The following MYLK3 variants were observed in gnomAD, a reference collection of about 807,000 sequenced individuals.
MYLK3 encodes the protein MLC kinase.
MYLK3 carries 55 observed loss-of-function variants against 76.3 expected under a neutral mutation model. The ratio of observed to expected loss-of-function variants is 0.72; its 90% CI spans 0.58 to 0.90. The LOEUF (loss-of-function observed/expected upper bound fraction) is 0.90, where lower values mean the gene tolerates loss of function less well. Ranked by LOEUF, MYLK3 falls within the 40% of genes least tolerant of loss-of-function variation. MYLK3 has a pLI of 0.00. For missense variants in MYLK3, 973 were observed against 1,053.6 expected (o/e 0.92, Z 1.06); for synonymous variants, 416 against 425.4 (o/e 0.98, Z 0.27).
rs192128239 is a variant in MYLK3, at chr16:46,726,059, A to G, written c.1914+1177T>C. The G allele has an allele frequency of 2.8e-4, 42 of 152,330 alleles. 1 individual carries two copies. The highest frequency in any genetic ancestry group is 9.9e-4 in the African/African-American group (41 of 41,590). 9.4% of individuals were successfully genotyped at this position (152,330 alleles called of 1,614,324 possible). On this transcript the variant is annotated intron_variant, in intron 8 of 12. Transcript: ENST00000394809. ...TTCTCTTACATGTGGCTTGCCAATT[A>G]TCCCAGCACCATTTGTTGAATAGGG...
intron 4 of MYLK3, 105 bp downstream of exon 4, chr16:46,732,103 T>A: frequency 1.0e-6 from 1 of 971,772 alleles, no homozygotes; most frequent in South Asian, 1.7e-5. Flanking sequence ...GCCCCCAGAC[T>A]CATATGATCT....
intron 4 of MYLK3, 28 bp downstream of exon 4, chr16:46,732,180 T>C (rs770311667): frequency 1.9e-6 from 3 of 1,539,930 alleles, no homozygotes; most frequent in Non-Finnish European, 2.6e-6. Flanking sequence ...TCAGGGCTCG[T>C]GTCTAGCCAG....
intron 10 of MYLK3, chr16:46,711,612 G>A: frequency 2.3e-6 from 1 of 432,224 alleles, no homozygotes. Flanking sequence ...CTGGGCTCAG[G>A]CAATCCTCCC....
chr16:46,729,757 G>A lies in MYLK3; in HGVS notation c.1569-70C>T, dbSNP rs376863947. 166 of 1,376,616 alleles carry A rather than the reference G, an allele frequency of 1.2e-4. 2 individuals carry two copies. In the East Asian group the frequency reaches 3.2e-3, roughly 27 times the overall value. The allele number at this position is 1,376,616 out of a possible 1,614,324, so 85.3% of individuals were successfully genotyped here. On this transcript the variant is annotated intron_variant, in intron 5 of 12. Coordinates refer to ENST00000394809, the MANE Select transcript of MYLK3 (RefSeq NM_182493.3). Reference sequence around the variant, plus strand: ...ATCCCACACCCATCCCTGGACTTCTGGGTCCAACTCATCCACACACAGGCC... The same window carrying A: ...ATCCCACACCCATCCCTGGACTTCTAGGTCCAACTCATCCACACACAGGCC...
At position 46,738,000 on chromosome 16, in the gene MYLK3, C is replaced by G; in HGVS notation, c.712G>C (p.Gly238Arg). 1.2e-6 allele frequency: 2 copies of G among 1,613,716 alleles called. No homozygotes were observed. Among genetic ancestry groups the G allele is most frequent in the East Asian group, 4.5e-5 (2 of 44,878 alleles). ...ACCTTTGTGGGCAGGGGCAGGTGGC[C>G]AGGGAATGCCTGGGCTGGGCCAGGA... is the stretch of plus-strand genomic sequence containing the variant. ...GVPGPAQAFP[G>R]HLPLPTKVEA... is the part of the protein sequence containing the mutation. Residue 238 changes from glycine (G) to arginine (R), a missense_variant, in exon 3 of 13, where the codon GGC becomes CGC. By Grantham distance (125) the Gly-to-Arg change is moderately radical (BLOSUM62 -2). Around this residue, in one of 2 missense-constraint regions of MYLK3, gnomAD observed 641 missense variants for 637.0 expected, o/e 1.01. Coordinates refer to ENST00000394809, the MANE Select transcript of MYLK3 (RefSeq NM_182493.3).
At position 46,703,067 on chromosome 16, in the gene MYLK3, T is replaced by C. The variant is rs1300691427; in HGVS notation, c.*4637A>G. Among the ~76,000 whole-genome samples, 4 of 151,902 alleles carry C rather than the reference T, an allele frequency of 2.6e-5. No individual in the cohort carries two copies. In the South Asian group the frequency reaches 6.3e-4, roughly 24 times the overall value. Reference sequence around the variant, plus strand: ...ACTCCACTGTTAAGTTTCTTGCATATCCTACGGTTTTTTAATGCACATATA... The same window carrying C: ...ACTCCACTGTTAAGTTTCTTGCATACCCTACGGTTTTTTAATGCACATATA... On this transcript the variant is annotated 3_prime_UTR_variant, in exon 13 of 13. Transcript: ENST00000394809.
At chr16:46,730,523 TC>T in intron 5 of MYLK3, 69 bp downstream of exon 5, 1 of 1,308,954 alleles carries the variant, frequency 7.6e-7, no homozygotes, top group East Asian at 2.3e-5. Flanking sequence ...ACCCCAGTTC[TC>T]CAGGTGGTCC....
rs1033973899 is a variant in MYLK3, at chr16:46,715,044, G to A, written c.1986-2268C>T. On this transcript the variant is annotated intron_variant, in intron 9 of 12. Transcript: ENST00000394809. ...CGAAGGTGGGAAGAGCTGCACAGTG[G>A]CACCCCCCTCAAGTATTTCCACCAT... Among the ~76,000 whole-genome samples the A allele has an allele frequency of 5.3e-5, 8 of 152,272 alleles. No homozygotes were observed. The East Asian group carries it at 1.3e-3, about 26-fold the overall frequency.
chr16:46,738,079 C>T lies in MYLK3; in HGVS notation c.633G>A (p.Gly211=), dbSNP rs759453826. ...CTGCCTGGGCGGGGTCAGCTCCCAG[C>T]CCTGACGCTCTGATGGGGGGCAGCC... ...AERLPPIRAS[G]LGADPAQAVV... is the part of the protein sequence containing the mutation. Residue 211 remains glycine, a synonymous_variant, in exon 3 of 13, where the codon GGG becomes GGA. Transcript: ENST00000394809. 2 of 1,597,430 alleles carry T rather than the reference C, an allele frequency of 1.3e-6. No individual in the cohort carries two copies. The highest frequency in any genetic ancestry group is 2.7e-5 in the African/African-American group (2 of 74,774).
chr16:46,710,339 A>G lies in MYLK3; in HGVS notation c.2267+298T>C, dbSNP rs1255726360. ...TCTTTATTCTGGAAATAACATCTGCATATCTCAGTTCTTTTCTTCAACCTT... is the reference window on the plus strand; with the variant it reads ...TCTTTATTCTGGAAATAACATCTGCGTATCTCAGTTCTTTTCTTCAACCTT... On this transcript the variant is annotated intron_variant, in intron 11 of 12. Transcript: ENST00000394809. 2.0e-5 allele frequency among the ~76,000 whole-genome samples: 3 copies of G among 152,232 alleles called. No homozygotes were observed. The East Asian group carries it at 5.8e-4, about 29-fold the overall frequency.
At chr16:46,733,500 C>T (rs756617431) in intron 3 of MYLK3, among the ~76,000 whole-genome samples, 7 of 152,208 alleles carry the variant, frequency 4.6e-5, no homozygotes, top group Non-Finnish European at 8.8e-5. Context: ...ACAGGCCCTG[C>T]GCACCCTGGC....
rs1301215504 is a variant in MYLK3, at chr16:46,729,689, T to G, written c.1569-2A>C. On this transcript the variant is annotated splice_acceptor_variant, in intron 5 of 12. Transcript: ENST00000394809. LOFTEE classifies it high-confidence loss of function. ...CTGTGGACCTGGCCAAACCGACCCCTGCAGAGACATAGCCACACGGCAGGC... is the reference window on the plus strand; with the variant it reads ...CTGTGGACCTGGCCAAACCGACCCCGGCAGAGACATAGCCACACGGCAGGC... 2 of 1,613,236 alleles carry G rather than the reference T, an allele frequency of 1.2e-6. No homozygotes were observed. The highest frequency in any genetic ancestry group is 1.7e-6 in the Non-Finnish European group (2 of 1,179,576).
chr16:46,756,370 T>C (rs999947244), intron 1 of MYLK3, among the ~76,000 whole-genome samples: 2 of 152,184 alleles, frequency 1.3e-5, no homozygotes, highest in African/African-American at 4.8e-5. Context: ...GAAAGCTAAG[T>C]CCTCATTTAT....
At chr16:46,759,689 G>A (rs952805244) in intron 1 of MYLK3, among the ~76,000 whole-genome samples, 4 of 151,126 alleles carry the variant, frequency 2.6e-5, no homozygotes, top group Admixed American at 6.6e-5. Flanking sequence ...GTGAAGAGGC[G>A]CGATCTCTGC....
chr16:46,718,642 A>G (rs1966769318), intron 9 of MYLK3, among the ~76,000 whole-genome samples: 1 of 152,202 alleles, frequency 6.6e-6, no homozygotes, highest in Non-Finnish European at 1.5e-5. Context: ...CCGCGTGGCC[A>G]TGAAATAACA....
chr16:46,741,592 G>T (rs1270016093), intron 1 of MYLK3, among the ~76,000 whole-genome samples: 3 of 151,982 alleles, frequency 2.0e-5, no homozygotes, highest in African/African-American at 7.2e-5. Context: ...TGGGCCCCCA[G>T]GCATAAGGCA....
intron 3 of MYLK3, among the ~76,000 whole-genome samples, chr16:46,734,115 T>C (rs1036613329): frequency 1.3e-5 from 2 of 152,198 alleles, no homozygotes; most frequent in Non-Finnish European, 2.9e-5. Flanking sequence ...CACTCATAAC[T>C]GTAGCAGCAT....
At chr16:46,710,856 GA>G in intron 10 of MYLK3, 67 bp from the exon 11 acceptor site, 3 of 1,594,342 alleles carry the variant, frequency 1.9e-6, no homozygotes, top group Non-Finnish European at 1.7e-6. Context: ...TGGCAGAATA[GA>G]GAAGCTTACA....
At chr16:46,712,143 A>T (rs1966690929) in intron 10 of MYLK3, among the ~76,000 whole-genome samples, 1 of 152,050 alleles carries the variant, frequency 6.6e-6, no homozygotes, top group African/African-American at 2.4e-5. Flanking sequence ...GGCACGCACC[A>T]CAATGCCCAA....
Sources: gnomAD v4.1 joint callset for allele counts (sites outside exome capture counted in the v4.1 genomes callset) on GRCh38, gnomAD v4.1.1 for gene constraint, gnomAD v4.1.1 regional missense constraint, MANE v1.5 for transcripts, NCBI Gene and HGNC (gene_info 2026-07-23, HGNC 2026-07-21) for gene names.